Variants in RPS20 observed in about 807,000 individuals in gnomAD.
RPS20 encodes small ribosomal subunit protein uS10.
RPS20 carries 3 observed loss-of-function variants against 15.3 expected under a neutral mutation model. That is an observed-to-expected ratio of 0.20 (90% CI 0.09 to 0.51). The LOEUF (loss-of-function observed/expected upper bound fraction) is 0.51. Among genes scored for constraint, RPS20 ranks in the 20% least tolerant of loss-of-function variants. The pLI, the probability that RPS20 is intolerant of heterozygous loss-of-function variation, is 0.96. For synonymous variants in RPS20, 62 were observed against 47.8 expected (o/e 1.30, Z -1.23); for missense variants, 67 against 145.9 (o/e 0.46, Z 2.79).
At chr8:56,069,119 T>A (rs577043028), downstream of RPS20, among the ~76,000 whole-genome samples, 3 of 152,186 alleles carry the variant, frequency 2.0e-5, no homozygotes, top group East Asian at 5.8e-4. Context: ...AAATAGCAGT[T>A]TACAGAACAA....
chr8:56,073,824 G>C (rs1809841782), intron 2 of RPS20, 56 bp from the exon 3 acceptor site: 2 of 1,488,770 alleles, frequency 1.3e-6, no homozygotes, highest in South Asian at 1.1e-5. Context: ...TCGGCTTAAG[G>C]CCTTCACTTC....
chr8:56,071,026 G>GT (rs759709761), downstream of RPS20, among the ~76,000 whole-genome samples: 16 of 152,264 alleles, frequency 1.1e-4, no homozygotes, highest in Admixed American at 4.6e-4. Context: ...ATTTTTAAGT[G>GT]TTTGAGAAAT....
intron 3 of RPS20, chr8:56,073,486 A>G (rs1809828408): frequency 1.6e-6 from 1 of 637,836 alleles, no homozygotes; most frequent in Non-Finnish European, 2.8e-6. Flanking sequence ...GTTAAGCACC[A>G]AAGCACACCA....
In RPS20 at chr8:56,074,368, A is replaced by C. The variant is rs755111939; in HGVS notation, c.3+13T>G. The C allele has an allele frequency of 3.4e-5, 53 of 1,556,304 alleles. No homozygotes were observed. In the African/African-American group the frequency reaches 6.4e-4, roughly 19 times the overall value. On this transcript the variant is annotated intron_variant, in intron 1 of 3. Transcript: ENST00000009589. ...CCCTGCGTTGCGCCGCCCGCCGCCG[A>C]CTGCCGCCTCACCATGGCTGTTGCG...
chr8:56,070,408 A>G (rs1809719879), downstream of RPS20, among the ~76,000 whole-genome samples: 1 of 152,202 alleles, frequency 6.6e-6, no homozygotes, highest in Admixed American at 6.5e-5. Flanking sequence ...TCCACAGAGC[A>G]TACACACAGG....
downstream of RPS20, chr8:56,069,644 T>G (rs1809699722): frequency 2.7e-6 from 3 of 1,130,704 alleles, no homozygotes; most frequent in South Asian, 2.7e-5. Context: ...TTGCATCCAC[T>G]GAAGTACAAT....
downstream of RPS20, chr8:56,069,645 G>T (rs960654721): frequency 5.3e-6 from 6 of 1,134,494 alleles, no homozygotes; most frequent in Non-Finnish European, 7.8e-6. Flanking sequence ...TGCATCCACT[G>T]AAGTACAATT....
downstream of RPS20, among the ~76,000 whole-genome samples, chr8:56,071,120 CTT>C (rs534595096): frequency 4.9e-4 from 74 of 152,338 alleles, no homozygotes; most frequent in African/African-American, 1.7e-3. Context: ...TAATCCAACA[CTT>C]TAACCATTGT....
At chr8:56,073,490 C>G in intron 3 of RPS20, 1 of 639,144 alleles carries the variant, frequency 1.6e-6, no homozygotes, top group Non-Finnish European at 2.8e-6. Flanking sequence ...AGCACCAAAG[C>G]ACACCAAGAA....
chr8:56,073,096 A>G lies in RPS20; in HGVS notation c.354T>C (p.Asp118=), dbSNP rs765925127. 12 of 1,594,046 alleles carry G rather than the reference A, an allele frequency of 7.5e-6. No individual in the cohort carries two copies. Among genetic ancestry groups the G allele is most frequent in the Non-Finnish European group, 9.3e-6 (11 of 1,177,958 alleles). The change falls in exon 4 of 4, where the codon GAT becomes GAC. Residue 118 remains aspartate, a synonymous_variant. Transcript: ENST00000009589. ...ATTTATTAAAATAGTTGACTTAAGCATCTGCAATGGTGACTTCCACCTCAA... is the reference window on the plus strand; with the variant it reads ...ATTTATTAAAATAGTTGACTTAAGCGTCTGCAATGGTGACTTCCACCTCAA... ...PGVEVEVTIA[D]A
chr8:56,068,807 CTTTTTTTTTTTTTTTTTTTTTT>C (rs61576194), downstream of RPS20, among the ~76,000 whole-genome samples: 26 of 27,694 alleles, frequency 9.4e-4, no homozygotes, highest in East Asian at 3.1e-3. Context: ...GTGAAAATAT[CTTTTTTTTTTTTTTTTTTTTTT>C]TTTTTTTTTT....
downstream of RPS20, chr8:56,072,791 G>A (rs755406492): frequency 7.9e-5 from 70 of 887,602 alleles, no homozygotes; most frequent in African/African-American, 1.8e-4. Context: ...CATTACAAAC[G>A]CCCCAGAAAC....
downstream of RPS20, chr8:56,069,654 T>C (rs925253709): frequency 3.3e-5 from 41 of 1,240,700 alleles, 1 homozygote; most frequent in South Asian, 5.0e-4. Flanking sequence ...TGAAGTACAA[T>C]TAAACAAAAA....
At chr8:56,071,341 G>T (rs565830798), downstream of RPS20, among the ~76,000 whole-genome samples, 2 of 152,266 alleles carry the variant, frequency 1.3e-5, no homozygotes, top group East Asian at 3.9e-4. Flanking sequence ...ATAGGTATTT[G>T]TCTGGGGGCC....
rs768230195 is a variant in RPS20 at position 56,073,774 on chromosome 8, G to T, written c.104-6C>A. Reference sequence around the variant, plus strand: ...TCTTATCAAGTCAGCACACACTACAGGAAATAAAAGACCTCTCAGTATAAT... The same window carrying T: ...TCTTATCAAGTCAGCACACACTACATGAAATAAAAGACCTCTCAGTATAAT... On this transcript the variant is annotated splice_region_variant and splice_polypyrimidine_tract_variant and intron_variant, in intron 2 of 3. Transcript: ENST00000009589. 2.5e-6 allele frequency: 4 copies of T among 1,613,136 alleles called. No homozygotes were observed. The highest frequency in any genetic ancestry group is 1.7e-5 in the Admixed American group (1 of 60,026).
chr8:56,071,931 T>C (rs1809771649), downstream of RPS20, among the ~76,000 whole-genome samples: 1 of 152,194 alleles, frequency 6.6e-6, no homozygotes, highest in African/African-American at 2.4e-5. Flanking sequence ...AGCAAACCTG[T>C]AAGGGTATCT....
At chr8:56,069,959 T>G, downstream of RPS20, 1 of 665,470 alleles carries the variant, frequency 1.5e-6, no homozygotes, top group South Asian at 1.6e-5. Flanking sequence ...TATTAGGTAT[T>G]ACAAGTAATC....
downstream of RPS20, among the ~76,000 whole-genome samples, chr8:56,070,904 C>G (rs1033687567): frequency 6.6e-6 from 1 of 152,138 alleles, no homozygotes; most frequent in African/African-American, 2.4e-5. Context: ...TAACTCCCAT[C>G]CATACAAGAT....
At position 56,074,149 on chromosome 8, in the gene RPS20, T is replaced by A; in HGVS notation, c.14A>T (p.Asp5Val). ...CGGCTCCACGGGTGTTTTTCCGGTA[T>A]CCTTAAAAGCCTATTATTAGATACA... is the stretch of plus-strand genomic sequence containing the variant. The part of the protein sequence containing the change: MAFK[D>V]TGKTPVEPEV... The change falls in exon 2 of 4, where the codon GAT (aspartate) becomes GTT (valine). Residue 5 changes from aspartate to valine, a missense_variant. By Grantham distance (152) the Asp-to-Val change is radical. Coordinates refer to ENST00000009589, the MANE Select transcript of RPS20 (RefSeq NM_001023.4). The A allele has an allele frequency of 1.2e-6, 2 of 1,612,178 alleles. No homozygotes were observed. The highest frequency in any genetic ancestry group is 1.7e-6 in the Non-Finnish European group (2 of 1,179,718).
Sources: gnomAD v4.1 joint callset for allele counts (sites outside exome capture counted in the v4.1 genomes callset) on GRCh38, gnomAD v4.1.1 for gene constraint, MANE v1.5 for transcripts, NCBI Gene and HGNC (gene_info 2026-07-23, HGNC 2026-07-21) for gene names.